The following SOX5 variants were observed in gnomAD, a reference collection of about 807,000 sequenced individuals.
SOX5 encodes transcription factor SOX-5.
In SOX5, 9 loss-of-function variants were observed where a neutral mutation model predicts 92.0. The observed-to-expected ratio is 0.10, with a 90% confidence interval of 0.06 to 0.17. SOX5 has a LOEUF of 0.17. Ranked by LOEUF, SOX5 falls within the 10% of genes least tolerant of loss-of-function variation. The pLI, the probability that SOX5 is intolerant of heterozygous loss-of-function variation, is 1.00. For synonymous variants in SOX5, 344 were observed against 336.3 expected, an observed-to-expected ratio of 1.02 and a Z score of -0.25; for missense variants, 642 against 944.5, an observed-to-expected ratio of 0.68 and a Z score of 4.20.
At chr12:23,881,206 A>C (rs2096985228) in intron 2 of SOX5, among the ~76,000 whole-genome samples, 1 of 152,140 alleles carries the variant, frequency 6.6e-6, no homozygotes, top group African/African-American at 2.4e-5. Flanking sequence ...TGGAGGCTGT[A>C]AACCGCCTGC....
At chr12:24,479,064 A>G (rs1438389771) in intron 1 of SOX5, among the ~76,000 whole-genome samples, 2 of 152,164 alleles carry the variant, frequency 1.3e-5, no homozygotes, top group Non-Finnish European at 2.9e-5. Flanking sequence ...GCCAATCTGA[A>G]CTTCTCATTG....
At chr12:23,569,732 T>G (rs1947813558) in intron 10 of SOX5, among the ~76,000 whole-genome samples, 1 of 152,244 alleles carries the variant, frequency 6.6e-6, no homozygotes, top group Non-Finnish European at 1.5e-5. Flanking sequence ...TTCTTTCTGG[T>G]GTGTTGGTGA....
At position 23,779,269 on chromosome 12, in the gene SOX5, A is replaced by G. The variant is rs564298712; in HGVS notation, c.482-23545T>C. On this transcript the variant is annotated intron_variant, in intron 3 of 14. Transcript: ENST00000451604. ...AGGCACAATAGCAAATTCAAGAGCAATTATTGCAAAAAAGGGGAGATTACA... is the reference window on the plus strand; with the variant it reads ...AGGCACAATAGCAAATTCAAGAGCAGTTATTGCAAAAAAGGGGAGATTACA... Among the ~76,000 whole-genome samples, 5 of 151,966 alleles carry G rather than the reference A, an allele frequency of 3.3e-5. No homozygotes were observed. The South Asian group carries it at 1.0e-3, about 32-fold the overall frequency.
intron 4 of SOX5, among the ~76,000 whole-genome samples, chr12:24,033,838 C>T (rs1020705169): frequency 7.9e-5 from 12 of 152,134 alleles, no homozygotes; most frequent in South Asian, 6.2e-4. Context: ...TGCTACCTTA[C>T]GCTAGCCTGA....
intron 4 of SOX5, among the ~76,000 whole-genome samples, chr12:23,965,144 T>C (rs574014161): frequency 1.2e-4 from 18 of 152,186 alleles, no homozygotes; most frequent in Non-Finnish European, 2.4e-4. Flanking sequence ...CCATCTACCG[T>C]GGAACAGATG....
At chr12:24,086,593 T>C (rs1285616727) in intron 4 of SOX5, among the ~76,000 whole-genome samples, 1 of 151,936 alleles carries the variant, frequency 6.6e-6, no homozygotes, top group African/African-American at 2.4e-5. Flanking sequence ...ATTTCAGAAA[T>C]GATTCTCCTG....
chr12:24,424,459 A>T (rs551216009), intron 1 of SOX5, among the ~76,000 whole-genome samples: 4 of 152,096 alleles, frequency 2.6e-5, no homozygotes, highest in Non-Finnish European at 5.9e-5. Flanking sequence ...GTTAGTTTTT[A>T]TGGCATATAC....
At chr12:24,164,316 G>A (rs1018904389) in intron 4 of SOX5, among the ~76,000 whole-genome samples, 3 of 151,956 alleles carry the variant, frequency 2.0e-5, no homozygotes, top group Non-Finnish European at 4.4e-5. Context: ...CTTAAATATT[G>A]TCATGTCTAA....
intron 1 of SOX5, among the ~76,000 whole-genome samples, chr12:24,381,004 T>C (rs1228001212): frequency 6.6e-6 from 1 of 152,232 alleles, no homozygotes; most frequent in Non-Finnish European, 1.5e-5. Flanking sequence ...GTGCAGACTT[T>C]GCACTACTGT....
intron 2 of SOX5, among the ~76,000 whole-genome samples, chr12:23,849,061 A>G (rs1192848475): frequency 6.6e-6 from 1 of 152,222 alleles, no homozygotes; most frequent in Non-Finnish European, 1.5e-5. Flanking sequence ...GAACACGTCG[A>G]AAGAAATATT....
At chr12:24,355,638 C>G (rs1257274340) in intron 2 of SOX5, among the ~76,000 whole-genome samples, 1 of 152,128 alleles carries the variant, frequency 6.6e-6, no homozygotes, top group Non-Finnish European at 1.5e-5. Context: ...ATTTTAAAAA[C>G]AAACTGTTTA....
intron 4 of SOX5, among the ~76,000 whole-genome samples, chr12:24,046,805 G>C (rs910172137): frequency 6.6e-6 from 1 of 150,540 alleles, no homozygotes; most frequent in Non-Finnish European, 1.5e-5. Context: ...TCAGCCTCCT[G>C]AGTAGCTGGG....
intron 7 of SOX5, among the ~76,000 whole-genome samples, chr12:23,664,751 C>T (rs1388745425): frequency 1.3e-5 from 2 of 152,114 alleles, no homozygotes; most frequent in African/African-American, 2.4e-5. Context: ...CTTATGTATT[C>T]ATTCATTAAT....
chr12:23,547,383 A>T (rs76113359), intron 11 of SOX5, among the ~76,000 whole-genome samples: 22,459 of 151,984 alleles, frequency 0.15, 2,160 homozygotes, highest in Non-Finnish European at 0.21. Context: ...ATAATTATTC[A>T]CCTCATTTTC....
At chr12:24,246,243 T>C (rs1319121548) in intron 3 of SOX5, among the ~76,000 whole-genome samples, 1 of 151,676 alleles carries the variant, frequency 6.6e-6, no homozygotes, top group East Asian at 1.9e-4. Flanking sequence ...TTTTGCCTAA[T>C]TTTTTTTTCC....
intron 1 of SOX5, among the ~76,000 whole-genome samples, chr12:24,539,918 CG>C (rs1157502377): frequency 1.3e-5 from 2 of 152,018 alleles, no homozygotes; most frequent in African/African-American, 4.8e-5. Flanking sequence ...TAACCATATG[CG>C]TTCTTTACTG....
At chr12:24,120,690 A>G (rs1168465264) in intron 4 of SOX5, among the ~76,000 whole-genome samples, 1 of 152,194 alleles carries the variant, frequency 6.6e-6, no homozygotes, top group East Asian at 1.9e-4. Context: ...TCAACATATA[A>G]TATGTTTGAG....
At chr12:23,726,075 G>T (rs1204585201) in intron 6 of SOX5, among the ~76,000 whole-genome samples, 1 of 145,132 alleles carries the variant, frequency 6.9e-6, no homozygotes, top group Non-Finnish European at 1.5e-5. Flanking sequence ...CACCTGTTTG[G>T]CTCTCTTTTC....
In SOX5 at chr12:23,543,111, C is replaced by T. The variant is rs76722400; in HGVS notation, c.1771+100G>A. ...TTATTTTCTGGATAAGCAAATAACA[C>T]GACCTGTATGGCCTCCAAATCCAGG... On this transcript the variant is annotated intron_variant, in intron 13 of 14. Coordinates refer to ENST00000451604, the MANE Select transcript of SOX5 (RefSeq NM_006940.6). 76,820 of 912,676 alleles carry T rather than the reference C, an allele frequency of 0.084. 3,841 individuals are homozygous for T. Among genetic ancestry groups the T allele is most frequent in the Non-Finnish European group, 0.1 (62,886 of 606,432 alleles). The allele number at this position is 912,676 out of a possible 1,614,324, so 56.5% of individuals were successfully genotyped here.
Sources: gnomAD v4.1 joint callset for allele counts (sites outside exome capture counted in the v4.1 genomes callset) on GRCh38, gnomAD v4.1.1 for gene constraint, MANE v1.5 for transcripts, NCBI Gene and HGNC (gene_info 2026-07-23, HGNC 2026-07-21) for gene names.